Variants in WNT7B observed in about 807,000 individuals in gnomAD.
WNT7B encodes the protein Wnt family member 7B, also known as protein Wnt-7b.
Under a neutral mutation model 38.2 loss-of-function variants are expected in WNT7B, and 19 were observed. The ratio of observed to expected loss-of-function variants is 0.50; its 90% CI spans 0.35 to 0.73. The LOEUF (loss-of-function observed/expected upper bound fraction) is 0.73. WNT7B is among the 30% of genes least tolerant of loss of function. WNT7B has a pLI of 0.01. For synonymous variants in WNT7B, 243 were observed against 209.3 expected, an observed-to-expected ratio of 1.16 and a Z score of -1.39; for missense variants, 423 against 507.9, an observed-to-expected ratio of 0.83 and a Z score of 1.61.
At chr22:45,954,552 TC>T in intron 1 of WNT7B, 1 of 984,280 alleles carries the variant, frequency 1.0e-6, no homozygotes, top group Non-Finnish European at 1.2e-6. Flanking sequence ...TGCACGCTTA[TC>T]CGGGGTATGT....
rs1930957404 is a variant in WNT7B, at chr22:45,922,534, C to A, written c.*322G>T. The A allele has an allele frequency of 2.7e-6, 1 of 369,320 alleles. No individual in the cohort carries two copies. Among genetic ancestry groups the A allele is most frequent in the South Asian group, 4.0e-5 (1 of 24,962 alleles). 22.9% of individuals were successfully genotyped at this position (369,320 alleles called of 1,614,324 possible). A position where few individuals can be genotyped will look rare whatever the true frequency, so the allele number is the denominator to read the frequency against. The stretch of plus-strand genomic sequence containing the variant: ...TTTGCTCTCTGGGATACAGGTGTGT[C>A]CTGGACGTTCATTTTCCCAGAGAGA... On this transcript the variant is annotated 3_prime_UTR_variant, in exon 4 of 4. Transcript: ENST00000339464.
At chr22:45,958,515 C>T (rs565862111) in intron 1 of WNT7B, among the ~76,000 whole-genome samples, 26 of 152,336 alleles carry the variant, frequency 1.7e-4, no homozygotes, top group African/African-American at 5.8e-4. Context: ...TGGACACCCA[C>T]TCCATGCCTG....
At chr22:45,971,689 C>T (rs1025898757) in intron 1 of WNT7B, among the ~76,000 whole-genome samples, 1 of 152,188 alleles carries the variant, frequency 6.6e-6, no homozygotes, top group African/African-American at 2.4e-5. Flanking sequence ...TGAAGCGCGG[C>T]GTGCACGTGC....
chr22:45,936,129 C>T (rs1931508853), intron 2 of WNT7B: 1 of 985,440 alleles, frequency 1.0e-6, no homozygotes, highest in Non-Finnish European at 1.2e-6. Flanking sequence ...AGTAATGGTC[C>T]TGAAGGTTCC....
At chr22:45,954,228 T>G (rs1466454368) in intron 1 of WNT7B, among the ~76,000 whole-genome samples, 1 of 150,126 alleles carries the variant, frequency 6.7e-6, no homozygotes, top group Non-Finnish European at 1.5e-5. Flanking sequence ...AGATAGAAAG[T>G]AGAAAGGTGA....
intron 1 of WNT7B, among the ~76,000 whole-genome samples, chr22:45,959,878 T>C (rs575653261): frequency 9.2e-5 from 14 of 152,224 alleles, no homozygotes; most frequent in Admixed American, 2.6e-4. Flanking sequence ...GACTTCTTCC[T>C]GGAACCCAGC....
rs372195253 is a variant in WNT7B, at chr22:45,929,705, CATCCACCCGTGA to C, written c.570+1381_570+1392del. Among the ~76,000 whole-genome samples the C allele has an allele frequency of 4.6e-3, 509 of 111,548 alleles. 4 individuals carry two copies. The highest frequency in any genetic ancestry group is 0.015 in the African/African-American group (486 of 31,710). The allele number at this position is 111,548 out of a possible 152,430, so 73.2% of individuals were successfully genotyped here. ...CCATACTTCCATCCACCCATCTTTC[CATCCACCCGTGA>C]ATCCACTCACCCATCCACCCACCGA... On this transcript the variant is annotated intron_variant, in intron 3 of 3. Transcript: ENST00000339464.
At chr22:45,967,903 C>A (rs573323574) in intron 1 of WNT7B, among the ~76,000 whole-genome samples, 2 of 152,300 alleles carry the variant, frequency 1.3e-5, no homozygotes, top group East Asian at 1.9e-4. Flanking sequence ...CCCTGGGAGA[C>A]CCTGATTCCA....
At chr22:45,945,887 C>T (rs143607259) in intron 2 of WNT7B, among the ~76,000 whole-genome samples, 7 of 152,364 alleles carry the variant, frequency 4.6e-5, no homozygotes, top group African/African-American at 1.7e-4. Context: ...GCTGGTGTCC[C>T]GGGCCGCTCA....
chr22:45,930,859 G>A (rs1336751841), intron 3 of WNT7B, among the ~76,000 whole-genome samples: 2 of 152,206 alleles, frequency 1.3e-5, no homozygotes, highest in South Asian at 2.1e-4. Context: ...TTCCCTGGGG[G>A]CCGTGAGCAT....
chr22:45,928,397 C>T (rs1931162767), intron 3 of WNT7B, among the ~76,000 whole-genome samples: 1 of 152,208 alleles, frequency 6.6e-6, no homozygotes, highest in Admixed American at 6.5e-5. Flanking sequence ...CACAGGTGCA[C>T]AGGGTCGGGG....
chr22:45,973,744 T>C (rs1321319140), intron 1 of WNT7B, among the ~76,000 whole-genome samples: 1 of 152,130 alleles, frequency 6.6e-6, no homozygotes, highest in Non-Finnish European at 1.5e-5. Flanking sequence ...AAATCCCAGG[T>C]GCATTTGTTC....
chr22:45,934,753 G>C (rs1000899605), intron 2 of WNT7B, among the ~76,000 whole-genome samples: 1 of 152,212 alleles, frequency 6.6e-6, no homozygotes, highest in African/African-American at 2.4e-5. Context: ...TTACTCACCG[G>C]TTACTCATCG....
rs1386311858 is a variant in WNT7B at position 45,931,376 on chromosome 22, G to A, written c.299-7C>T. ...AAGGCAGCCTCACGGCTCCCTGCGG[G>A]GACAGACAGGTGCAGAAGGTGAGAC... On this transcript the variant is annotated splice_polypyrimidine_tract_variant and splice_region_variant and intron_variant, in intron 2 of 3. Coordinates refer to ENST00000339464, the MANE Select transcript of WNT7B (RefSeq NM_058238.3). 3 of 1,580,116 alleles carry A rather than the reference G, an allele frequency of 1.9e-6. No homozygotes were observed. Among genetic ancestry groups the A allele is most frequent in the African/African-American group, 1.3e-5 (1 of 74,658 alleles).
intron 1 of WNT7B, among the ~76,000 whole-genome samples, chr22:45,970,918 C>G (rs1601743985): frequency 6.6e-6 from 1 of 152,250 alleles, no homozygotes; most frequent in Admixed American, 6.5e-5. Context: ...GGCTGCCCGC[C>G]GGGCCTGGAG....
chr22:45,964,353 C>T (rs554117604), intron 1 of WNT7B, among the ~76,000 whole-genome samples: 4 of 152,250 alleles, frequency 2.6e-5, no homozygotes, highest in African/African-American at 7.2e-5. Flanking sequence ...CGGGTGACAA[C>T]CTTGCTGGAG....
rs561805172 is a variant in WNT7B at position 45,925,841 on chromosome 22, C to T, written c.571-2506G>A. On this transcript the variant is annotated intron_variant, in intron 3 of 3. Transcript: ENST00000339464. ...CCCTCCTCAGATGGGCCTGGATGGC[C>T]GGAGACCTGGCAGGCCTGTCCAGAC... 22 of 985,414 alleles carry T rather than the reference C, an allele frequency of 2.2e-5. No individual in the cohort carries two copies. The Admixed American group carries it at 4.3e-4, about 19-fold the overall frequency. The allele number at this position is 985,414 out of a possible 1,614,324, so 61.0% of individuals were successfully genotyped here.
At chr22:45,953,668 G>C (rs186900798) in intron 1 of WNT7B, among the ~76,000 whole-genome samples, 83 of 149,666 alleles carry the variant, frequency 5.5e-4, no homozygotes, top group Middle Eastern at 3.4e-3. Context: ...CTGGGGAAGG[G>C]CAAACCAAAA....
At chr22:45,956,744 C>T (rs745873088) in intron 1 of WNT7B, among the ~76,000 whole-genome samples, 11 of 152,236 alleles carry the variant, frequency 7.2e-5, no homozygotes, top group African/African-American at 1.2e-4. Flanking sequence ...CACGTCAACA[C>T]GGATGGGCCT....
Sources: allele counts gnomAD v4.1 joint callset (sites outside exome capture counted in the v4.1 genomes callset), GRCh38; gene constraint gnomAD v4.1.1; transcripts MANE v1.5; gene names NCBI Gene and HGNC (gene_info 2026-07-23, HGNC 2026-07-21).